Variants in CEP128 observed in about 807,000 individuals in gnomAD.
The protein encoded by CEP128 is centrosomal protein 128kDa.
In CEP128, 132 loss-of-function variants were observed where a neutral mutation model predicts 156.7. The ratio of observed to expected loss-of-function variants is 0.84; its 90% CI spans 0.73 to 0.97. The LOEUF is 0.97. Among genes scored for constraint, CEP128 ranks in the 50% least tolerant of loss-of-function variants. The pLI, the probability that CEP128 is intolerant of heterozygous loss-of-function variation, is 0.00. For missense variants in CEP128, 1,252 were observed against 1,281.9 expected, an observed-to-expected ratio of 0.98 and a Z score of 0.36; for synonymous variants, 469 against 448.9, an observed-to-expected ratio of 1.04 and a Z score of -0.57.
intron 2 of CEP128, chr14:80,955,978 ATGTC>A (rs1238887568): frequency 9.5e-6 from 11 of 1,154,122 alleles, no homozygotes; most frequent in African/African-American, 3.0e-5. Flanking sequence ...GTGTGAGTGA[ATGTC>A]TGTGTGTGTA....
intron 9 of CEP128, among the ~76,000 whole-genome samples, chr14:80,859,565 T>G (rs1887411272): frequency 1.3e-5 from 2 of 150,972 alleles, no homozygotes; most frequent in South Asian, 4.2e-4. Context: ...AATTAATTAA[T>G]TTTTAAAAAA....
chr14:80,594,817 G>T (rs1362374870), intron 19 of CEP128, among the ~76,000 whole-genome samples: 1 of 152,170 alleles, frequency 6.6e-6, no homozygotes, highest in Non-Finnish European at 1.5e-5. Flanking sequence ...AAAAAGTCAG[G>T]AAACAACAGA....
At chr14:80,700,119 G>A (rs1897023349) in intron 19 of CEP128, among the ~76,000 whole-genome samples, 1 of 152,130 alleles carries the variant, frequency 6.6e-6, no homozygotes, top group Non-Finnish European at 1.5e-5. Flanking sequence ...TATAACGCTA[G>A]TGAAAGGGAA....
chr14:80,772,708 C>T (rs1054180114), intron 16 of CEP128, among the ~76,000 whole-genome samples: 6 of 152,174 alleles, frequency 3.9e-5, no homozygotes, highest in Non-Finnish European at 8.8e-5. Context: ...AACTCCTGCA[C>T]CTGCCAATCT....
intron 9 of CEP128, among the ~76,000 whole-genome samples, chr14:80,853,971 TA>T (rs1026134796): frequency 1.4e-4 from 15 of 103,714 alleles, no homozygotes; most frequent in East Asian, 1.2e-3. Context: ...TCTCTCCTAT[TA>T]AAAAAAAAAT....
chr14:80,562,281 T>TA (rs1183359035), intron 20 of CEP128, among the ~76,000 whole-genome samples: 2 of 151,954 alleles, frequency 1.3e-5, no homozygotes, highest in South Asian at 2.1e-4. Context: ...CAGCTTTCAA[T>TA]AAAAAAACTG....
At chr14:80,941,438 A>C (rs1886151057) in intron 1 of CEP128, 143 bp downstream of exon 1, 1 of 151,052 alleles carries the variant, frequency 6.6e-6, no homozygotes, top group Non-Finnish European at 1.5e-5. Context: ...CTCTGCACAC[A>C]CTCCACCCAT....
At chr14:80,702,864 T>G (rs1897120179) in intron 19 of CEP128, among the ~76,000 whole-genome samples, 1 of 151,984 alleles carries the variant, frequency 6.6e-6, no homozygotes, top group African/African-American at 2.4e-5. Flanking sequence ...ATTCAAGACA[T>G]AAGAAACACA....
intron 19 of CEP128, among the ~76,000 whole-genome samples, chr14:80,617,465 G>A (rs1893272201): frequency 1.3e-5 from 2 of 151,982 alleles, no homozygotes. Context: ...TCGATCTCCT[G>A]ACCTCATGAT....
chr14:80,669,604 C>T (rs1367644320), intron 19 of CEP128, among the ~76,000 whole-genome samples: 1 of 152,082 alleles, frequency 6.6e-6, no homozygotes, highest in Non-Finnish European at 1.5e-5. Context: ...CAAATTAAAA[C>T]CACAATAACA....
In CEP128 at chr14:80,748,054, G is replaced by A. The variant is rs575268570; in HGVS notation, c.2614-4787C>T. Among the ~76,000 whole-genome samples the A allele has an allele frequency of 6.6e-5, 10 of 152,282 alleles. No individual in the cohort carries two copies. In the South Asian group the frequency reaches 1.9e-3, roughly 28 times the overall value. On this transcript the variant is annotated intron_variant, in intron 18 of 24. Transcript: ENST00000555265. ...ATCTCAATTAAGCTGTTAGTTAAACGGTAGAGAGTAAGTCAAGGCAGAAAA... is the reference window on the plus strand; with the variant it reads ...ATCTCAATTAAGCTGTTAGTTAAACAGTAGAGAGTAAGTCAAGGCAGAAAA...
At chr14:80,572,424 T>C (rs1043061095) in intron 20 of CEP128, among the ~76,000 whole-genome samples, 4 of 152,216 alleles carry the variant, frequency 2.6e-5, no homozygotes, top group African/African-American at 9.6e-5. Context: ...CCCAGAATAT[T>C]GCTTTTCACA....
At chr14:80,756,806 A>C in intron 18 of CEP128, 86 bp downstream of exon 18, 1 of 836,162 alleles carries the variant, frequency 1.2e-6, no homozygotes, top group South Asian at 1.5e-5. Flanking sequence ...ATGTTCAGTT[A>C]CATAACAAAA....
chr14:80,586,242 T>C (rs1643306923), intron 19 of CEP128, among the ~76,000 whole-genome samples: 2 of 152,308 alleles, frequency 1.3e-5, no homozygotes, highest in South Asian at 4.1e-4. Context: ...GTGGAGGGCC[T>C]GGGGGCCAGC....
chr14:80,921,357 C>T (rs1250864441), intron 2 of CEP128, among the ~76,000 whole-genome samples: 1 of 151,950 alleles, frequency 6.6e-6, no homozygotes, highest in East Asian at 1.9e-4. Flanking sequence ...AGAAGAGAGA[C>T]GAAATAAGTA....
At chr14:80,946,150 T>A (rs35847336), upstream of CEP128, among the ~76,000 whole-genome samples, 1 of 152,180 alleles carries the variant, frequency 6.6e-6, no homozygotes, top group African/African-American at 2.4e-5. Flanking sequence ...TGTAAAGCAC[T>A]AAGCCTAGTG....
At chr14:80,483,193 C>A (rs1250272761) in intron 14 of CEP128, among the ~76,000 whole-genome samples, 1 of 152,216 alleles carries the variant, frequency 6.6e-6, no homozygotes, top group Non-Finnish European at 1.5e-5. Flanking sequence ...AGCAACATTA[C>A]AATCTCAAGG....
chr14:80,631,580 A>G (rs907741095), intron 19 of CEP128, among the ~76,000 whole-genome samples: 3 of 152,066 alleles, frequency 2.0e-5, no homozygotes, highest in African/African-American at 7.2e-5. Context: ...TGCAAAGATC[A>G]ATGAGTAAAG....
At chr14:80,555,898 T>G (rs577768659) in intron 21 of CEP128, among the ~76,000 whole-genome samples, 4,291 of 152,292 alleles carry the variant, frequency 0.028, 215 homozygotes, top group African/African-American at 0.097. Flanking sequence ...ATGGACTGTA[T>G]TTTTTTGGTT....
Sources: allele counts gnomAD v4.1 joint callset (sites outside exome capture counted in the v4.1 genomes callset), GRCh38; gene constraint gnomAD v4.1.1; transcripts MANE v1.5; gene names NCBI Gene and HGNC (gene_info 2026-07-23, HGNC 2026-07-21).